The following ZFX variants were observed in gnomAD, a reference collection of about 807,000 sequenced individuals.
ZFX encodes zinc finger X-chromosomal protein.
For missense variants in ZFX, 362 were observed against 628.3 expected, an observed-to-expected ratio of 0.58 and a Z score of 4.53; for synonymous variants, 196 against 226.8, an observed-to-expected ratio of 0.86 and a Z score of 1.22.
At chrX:24,165,234 C>T (rs1933889013) in intron 3 of ZFX, among the ~76,000 whole-genome samples, 1 of 112,396 alleles carries the variant, frequency 8.9e-6, no homozygotes, top group Non-Finnish European at 1.9e-5. Context: ...AGTTCCCCTG[C>T]CTCAGCCTCC....
At chrX:24,153,468 C>T (rs950050953) in intron 3 of ZFX, among the ~76,000 whole-genome samples, 5 of 111,534 alleles carry the variant, frequency 4.5e-5, no homozygotes, top group African/African-American at 1.6e-4. Flanking sequence ...TGCGTGATGC[C>T]GTCTCTTGCA....
At chrX:24,196,675 G>A (rs1936945362) in intron 5 of ZFX, among the ~76,000 whole-genome samples, 1 of 110,761 alleles carries the variant, frequency 9.0e-6, no homozygotes, top group African/African-American at 3.3e-5. Context: ...GCTCACTGCT[G>A]CAACCTTGGA....
intron 6 of ZFX, 53 bp from the exon 7 acceptor site, chrX:24,207,659 G>A (rs1462317121): frequency 1.7e-6 from 2 of 1,176,561 alleles, no homozygotes; most frequent in Non-Finnish European, 2.3e-6. Flanking sequence ...GAAATAGGTG[G>A]AAATGCAGTT....
At chrX:24,160,259 C>G (rs1458911772) in intron 3 of ZFX, among the ~76,000 whole-genome samples, 3 of 104,884 alleles carry the variant, frequency 2.9e-5, no homozygotes, top group Non-Finnish European at 5.8e-5. Flanking sequence ...AAAATTTTCT[C>G]TAGACTATAA....
At chrX:24,163,261 T>C (rs1215783472) in intron 3 of ZFX, among the ~76,000 whole-genome samples, 2 of 38,338 alleles carry the variant, frequency 5.2e-5, no homozygotes, top group Non-Finnish European at 7.7e-5. Flanking sequence ...GGATGTGCTT[T>C]TTTTTTTTTT....
intron 3 of ZFX, among the ~76,000 whole-genome samples, chrX:24,155,892 T>C (rs1354017747): frequency 8.9e-6 from 1 of 111,807 alleles, no homozygotes; most frequent in Non-Finnish European, 1.9e-5. Context: ...ATATGGGTTT[T>C]ATTTATTTAT....
At chrX:24,199,148 C>T (rs1391454535) in intron 5 of ZFX, among the ~76,000 whole-genome samples, 2 of 111,574 alleles carry the variant, frequency 1.8e-5, no homozygotes, top group African/African-American at 6.5e-5. Context: ...GAGTGAGCAT[C>T]TGTCAGATGC....
At chrX:24,197,080 G>T (rs1936973196) in intron 5 of ZFX, among the ~76,000 whole-genome samples, 1 of 112,507 alleles carries the variant, frequency 8.9e-6, no homozygotes, top group Non-Finnish European at 1.9e-5. Flanking sequence ...GCTACATGTG[G>T]CTAGTGCAGA....
chrX:24,199,422 T>G (rs1487341810), intron 5 of ZFX, among the ~76,000 whole-genome samples: 1 of 109,672 alleles, frequency 9.1e-6, no homozygotes, highest in African/African-American at 3.3e-5. Context: ...GCCTGGCTAA[T>G]TTTTTAATTT....
intron 3 of ZFX, among the ~76,000 whole-genome samples, chrX:24,154,027 C>A (rs1932526043): frequency 9.0e-6 from 1 of 111,301 alleles, no homozygotes; most frequent in Admixed American, 9.6e-5. Context: ...TTATTCCTGC[C>A]AAGTTATTTT....
chrX:24,199,867 A>G (rs1208688485), intron 5 of ZFX, among the ~76,000 whole-genome samples: 2 of 109,014 alleles, frequency 1.8e-5, no homozygotes, highest in African/African-American at 6.7e-5. Flanking sequence ...CAGTGAGCTG[A>G]GATCGCACCA....
In ZFX at chrX:24,163,364, G is replaced by GTTTTTTTTTTTT. The variant is rs66467960; in HGVS notation, c.-28-9331_-28-9320dup. ...AATTTGGTTAAATTATTTTTGTTAG[G>GTTTTTTTTTTTT]TTTTTTTTTTTTTTTTTTTTTTTTT... On this transcript the variant is annotated intron_variant, in intron 3 of 9. Coordinates refer to ENST00000304543, the MANE Select transcript of ZFX (RefSeq NM_003410.4). 3.1e-4 allele frequency among the ~76,000 whole-genome samples: 6 copies of GTTTTTTTTTTTT among 19,061 alleles called. 2 individuals carry two copies. The highest frequency in any genetic ancestry group is 4.1e-4 in the Non-Finnish European group (5 of 12,225). The allele number at this position is 19,061 out of a possible 115,157, so 16.6% of individuals were successfully genotyped here.
At chrX:24,167,214 A>T (rs927844886) in intron 3 of ZFX, among the ~76,000 whole-genome samples, 4 of 111,770 alleles carry the variant, frequency 3.6e-5, no homozygotes, top group African/African-American at 1.3e-4. Context: ...CACCTGGAAG[A>T]TGGGATACTC....
At chrX:24,150,632 T>TC (rs1224509189) in intron 1 of ZFX, 1 of 113,266 alleles carries the variant, frequency 8.8e-6, no homozygotes, top group African/African-American at 3.2e-5. Flanking sequence ...CCCGCGCCTG[T>TC]AGCCACCCGA....
intron 4 of ZFX, among the ~76,000 whole-genome samples, chrX:24,173,167 C>T (rs1032717702): frequency 8.9e-6 from 1 of 112,222 alleles, no homozygotes; most frequent in Non-Finnish European, 1.9e-5. Context: ...TCTTTATTTA[C>T]ATCTGCTCTT....
rs1434779083 is a variant in ZFX, at chrX:24,209,006, A to G, written c.1200A>G (p.Lys400=). ...GACTGGCTAAACAAAAACCAAAGAA[A>G]AGGAGAAGACCTGATTCCAGGCAGT... ...LGRLAKQKPK[K]RRRPDSRQYQ... Residue 400 remains lysine (K), a synonymous_variant, in exon 9 of 10, where the codon AAA becomes AAG. Coordinates refer to ENST00000304543, the MANE Select transcript of ZFX (RefSeq NM_003410.4). The G allele has an allele frequency of 8.3e-7, 1 of 1,211,638 alleles. No individual in the cohort carries two copies. The highest frequency in any genetic ancestry group is 1.8e-5 in the South Asian group (1 of 56,972).
intron 3 of ZFX, among the ~76,000 whole-genome samples, chrX:24,159,827 C>T (rs1305324757): frequency 9.0e-6 from 1 of 111,685 alleles, no homozygotes; most frequent in African/African-American, 3.3e-5. Context: ...GTGAGATTAT[C>T]TGTGCTTGGT....
At chrX:24,180,650 G>A (rs1399796944) in intron 5 of ZFX, among the ~76,000 whole-genome samples, 2 of 111,761 alleles carry the variant, frequency 1.8e-5, no homozygotes, top group African/African-American at 6.5e-5. Context: ...TCCAAAGTGG[G>A]AGGATTACAG....
chrX:24,185,954 C>T (rs1429949181), intron 5 of ZFX, among the ~76,000 whole-genome samples: 1 of 106,656 alleles, frequency 9.4e-6, no homozygotes, highest in Non-Finnish European at 1.9e-5. Flanking sequence ...AACAACCCCT[C>T]CCAAAACCCC....
Sources: gnomAD v4.1 joint callset for allele counts (sites outside exome capture counted in the v4.1 genomes callset) on GRCh38, gnomAD v4.1.1 for gene constraint, MANE v1.5 for transcripts, NCBI Gene and HGNC (gene_info 2026-07-23, HGNC 2026-07-21) for gene names.